SPEF2: variants seen among roughly 807,000 people sequenced by gnomAD.
The protein encoded by SPEF2 is sperm flagella and cilia-associated protein 2.
A neutral mutation model predicts 224.6 loss-of-function variants in SPEF2; 187 were observed. That is an observed-to-expected ratio of 0.83 (90% CI 0.74 to 0.94). The LOEUF (loss-of-function observed/expected upper bound fraction) is 0.94, where lower values mean the gene tolerates loss of function less well. SPEF2 is among the 40% of genes least tolerant of loss of function. The probability of loss-of-function intolerance (pLI) is 0.00; values close to 1 mark genes in which losing one functional copy is unlikely to be tolerated. For synonymous variants in SPEF2, 715 were observed against 707.3 expected, an observed-to-expected ratio of 1.01 and a Z score of -0.17; for missense variants, 2,170 against 2,135.6, an observed-to-expected ratio of 1.02 and a Z score of -0.32.
At chr5:35,681,964 T>A (rs1262523646) in intron 10 of SPEF2, among the ~76,000 whole-genome samples, 1 of 152,198 alleles carries the variant, frequency 6.6e-6, no homozygotes, top group African/African-American at 2.4e-5. Flanking sequence ...TCCATCATGA[T>A]GAACATAAAT....
rs73080223 is a variant in SPEF2, at chr5:35,653,616, G to A, written c.792-924G>A. ...AGGCCCAGAGCCAGCAGGAAGAAGA[G>A]GAAAAGAAATCCAGAATTTCCGGTT... On this transcript the variant is annotated intron_variant, in intron 6 of 36. Coordinates refer to ENST00000356031, the MANE Select transcript of SPEF2 (RefSeq NM_024867.4). 8.9e-3 allele frequency among the ~76,000 whole-genome samples: 1,360 copies of A among 152,138 alleles called. 25 individuals carry two copies. Among genetic ancestry groups the A allele is most frequent in the African/African-American group, 0.032 (1,309 of 41,504 alleles).
chr5:35,692,333 C>T (rs1754633961), intron 11 of SPEF2, among the ~76,000 whole-genome samples: 1 of 152,078 alleles, frequency 6.6e-6, no homozygotes, highest in South Asian at 2.1e-4. Context: ...ATTGCTTGAA[C>T]CCAGGAGACG....
At chr5:35,676,598 G>A (rs116678823) in intron 10 of SPEF2, among the ~76,000 whole-genome samples, 2,152 of 152,006 alleles carry the variant, frequency 0.014, 49 homozygotes, top group African/African-American at 0.05. Flanking sequence ...GCATTTTGGC[G>A]GGCACCTGTA....
At chr5:35,627,740 G>T (rs1364633820) in intron 1 of SPEF2, among the ~76,000 whole-genome samples, 2 of 152,196 alleles carry the variant, frequency 1.3e-5, no homozygotes, top group Non-Finnish European at 2.9e-5. Context: ...ATAAGATATA[G>T]ATATGGTTAT....
At chr5:35,666,962 T>TTTCATTCTA (rs1750552662) in intron 8 of SPEF2, 110 bp from the exon 9 acceptor site, 1 of 953,658 alleles carries the variant, frequency 1.0e-6, no homozygotes, top group African/African-American at 1.7e-5. Flanking sequence ...TTTTTCCTGG[T>TTTCATTCTA]GTGAGAAGAG....
At chr5:35,680,102 C>T (rs2149502694) in intron 10 of SPEF2, among the ~76,000 whole-genome samples, 1 of 152,230 alleles carries the variant, frequency 6.6e-6, no homozygotes, top group Admixed American at 6.5e-5. Context: ...CTAAAAATGG[C>T]ATTACAACAT....
chr5:35,691,841 C>T (rs1754532514), intron 11 of SPEF2, among the ~76,000 whole-genome samples: 1 of 151,726 alleles, frequency 6.6e-6, no homozygotes, highest in East Asian at 2.0e-4. Context: ...CTCTGTTGGC[C>T]CAGGATGAAG....
At chr5:35,789,673 G>A (rs1429468845) in intron 30 of SPEF2, 1 of 636,880 alleles carries the variant, frequency 1.6e-6, no homozygotes, top group Non-Finnish European at 2.8e-6. Context: ...GTGATTGGAA[G>A]TTTTAAATTG....
chr5:35,653,295 C>G (rs1031965512), intron 6 of SPEF2, among the ~76,000 whole-genome samples: 17 of 152,186 alleles, frequency 1.1e-4, no homozygotes, highest in African/African-American at 3.9e-4. Flanking sequence ...GAGCAAGAAG[C>G]CAGTCAGACC....
At position 35,649,510 on chromosome 5, in the gene SPEF2, A is replaced by G. The variant is rs1747888328; in HGVS notation, c.791+85A>G. 7 of 1,044,584 alleles carry G rather than the reference A, an allele frequency of 6.7e-6. No individual in the cohort carries two copies. In the East Asian group the frequency reaches 1.0e-4, roughly 16 times the overall value. The allele number at this position is 1,044,584 out of a possible 1,614,324, so 64.7% of individuals were successfully genotyped here. Reference sequence around the variant, plus strand: ...GAATATTTAGAAATAGTTTATCTGGAAGAGCTATTCCAGGATCTTTTCACT... The same window carrying G: ...GAATATTTAGAAATAGTTTATCTGGGAGAGCTATTCCAGGATCTTTTCACT... On this transcript the variant is annotated intron_variant, in intron 6 of 36. Coordinates refer to ENST00000356031, the MANE Select transcript of SPEF2 (RefSeq NM_024867.4).
chr5:35,741,036 A>T (rs1330043569), intron 23 of SPEF2, among the ~76,000 whole-genome samples: 4 of 152,250 alleles, frequency 2.6e-5, no homozygotes, highest in Admixed American at 2.0e-4. Context: ...CATTTGGTCA[A>T]TAAATACTTA....
At chr5:35,769,543 A>G (rs1752507524) in intron 26 of SPEF2, among the ~76,000 whole-genome samples, 1 of 152,186 alleles carries the variant, frequency 6.6e-6, no homozygotes, top group Non-Finnish European at 1.5e-5. Flanking sequence ...CTTTTGAAAG[A>G]AAGTCCATTG....
intron 15 of SPEF2, chr5:35,699,539 G>A (rs1738140815): frequency 6.6e-6 from 1 of 152,104 alleles, no homozygotes; most frequent in African/African-American, 2.4e-5. Context: ...GCATGGCAAA[G>A]TGGAAGTCAG....
intron 10 of SPEF2, among the ~76,000 whole-genome samples, chr5:35,673,501 T>A (rs1428947894): frequency 1.3e-5 from 2 of 152,188 alleles, no homozygotes; most frequent in African/African-American, 4.8e-5. Flanking sequence ...AGATTTGGAT[T>A]TTTCTAAGAA....
chr5:35,634,264 A>G (rs556439893), intron 2 of SPEF2, among the ~76,000 whole-genome samples: 1 of 152,122 alleles, frequency 6.6e-6, no homozygotes, highest in South Asian at 2.1e-4. Context: ...ACATATTTTT[A>G]CCAGTCATAG....
At chr5:35,798,551 C>T (rs574938779) in intron 33 of SPEF2, among the ~76,000 whole-genome samples, 111 of 152,228 alleles carry the variant, frequency 7.3e-4, no homozygotes, top group African/African-American at 2.5e-3. Flanking sequence ...ATTTCCCTTT[C>T]CTTGGCCTGC....
chr5:35,777,773 C>T (rs1753799292), intron 29 of SPEF2, among the ~76,000 whole-genome samples: 1 of 152,048 alleles, frequency 6.6e-6, no homozygotes, highest in Non-Finnish European at 1.5e-5. Flanking sequence ...TTTTTTCCTT[C>T]CGTTGTTAAG....
Position 35,695,736 on chromosome 5 carries a change from T to C in SPEF2, c.1977T>C (p.Ser659=), listed in dbSNP as rs776890690. 3.1e-6 allele frequency: 5 copies of C among 1,609,486 alleles called. No individual in the cohort carries two copies. In the South Asian group the frequency reaches 4.4e-5, roughly 14 times the overall value. Reference sequence around the variant, plus strand: ...TCTTACCACTTTTCCTATTGCTAGGTGCTAATGCTGATAAAACACCAAAAG... The same window carrying C: ...TCTTACCACTTTTCCTATTGCTAGGCGCTAATGCTGATAAAACACCAAAAG... ...LPETEGETML[S]ANADKTPKAE... is the part of the protein sequence containing the mutation. Residue 659 remains serine, a splice_region_variant and synonymous_variant, in exon 14 of 37, where the codon AGT becomes AGC. Transcript: ENST00000356031.
intron 27 of SPEF2, 55 bp from the exon 28 acceptor site, chr5:35,773,838 T>C: frequency 1.9e-6 from 3 of 1,559,836 alleles, no homozygotes; most frequent in Admixed American, 1.9e-5. Context: ...CCAAGTACTA[T>C]GTGCACACCT....
Sources: allele counts gnomAD v4.1 joint callset (sites outside exome capture counted in the v4.1 genomes callset), GRCh38; gene constraint gnomAD v4.1.1; transcripts MANE v1.5; gene names NCBI Gene and HGNC (gene_info 2026-07-23, HGNC 2026-07-21).